BCKDHB: variants seen among roughly 807,000 people sequenced by gnomAD.
BCKDHB encodes 2-oxoisovalerate dehydrogenase subunit beta, mitochondrial.
Under a neutral mutation model 48.5 loss-of-function variants are expected in BCKDHB, and 41 were observed. The observed-to-expected ratio is 0.85, with a 90% confidence interval of 0.66 to 1.10. The LOEUF is 1.10. Ranked by LOEUF, BCKDHB falls within the 50% of genes least tolerant of loss-of-function variation. The pLI, the probability that BCKDHB is intolerant of heterozygous loss-of-function variation, is 0.00. For missense variants in BCKDHB, 496 were observed against 494.2 expected, an observed-to-expected ratio of 1.00 and a Z score of -0.03; for synonymous variants, 201 against 174.8, an observed-to-expected ratio of 1.15 and a Z score of -1.18.
chr6:80,202,679 CT>C (rs1223692714), intron 7 of BCKDHB, among the ~76,000 whole-genome samples: 1 of 151,858 alleles, frequency 6.6e-6, no homozygotes, highest in Non-Finnish European at 1.5e-5. Flanking sequence ...TTCTTTTTAT[CT>C]CCTTTTTTTC....
At chr6:80,426,523 T>C in the BCKDHB span, among the ~76,000 whole-genome samples, 17 of 152,308 alleles carry the variant, frequency 1.1e-4, no homozygotes, top group East Asian at 3.1e-3. Context: ...TTATGTATTT[T>C]CATTTCCATT....
At chr6:80,334,734 C>CT (rs1375455260) in intron 9 of BCKDHB, among the ~76,000 whole-genome samples, 2 of 151,298 alleles carry the variant, frequency 1.3e-5, no homozygotes, top group African/African-American at 2.4e-5. Flanking sequence ...CTTTTCTTGT[C>CT]TTTTTTATGT....
intron 3 of BCKDHB, among the ~76,000 whole-genome samples, chr6:80,144,934 C>CCACGTTT (rs1362653611): frequency 6.6e-6 from 1 of 152,058 alleles, no homozygotes; most frequent in African/African-American, 2.4e-5. Context: ...TTTTTCCATC[C>CCACGTTT]CACGTTTCAT....
chr6:80,120,746 T>C (rs1162645659), intron 1 of BCKDHB, among the ~76,000 whole-genome samples: 2 of 152,218 alleles, frequency 1.3e-5, no homozygotes. Context: ...GAGTTCTTTG[T>C]AGATTCTGGA....
chr6:80,182,329 C>A (rs1168725953), intron 6 of BCKDHB, among the ~76,000 whole-genome samples: 1 of 152,140 alleles, frequency 6.6e-6, no homozygotes, highest in Non-Finnish European at 1.5e-5. Flanking sequence ...CTGAACTATT[C>A]ATGGAATAGG....
intron 9 of BCKDHB, among the ~76,000 whole-genome samples, chr6:80,303,393 CAAAA>C (rs1256164003): frequency 6.6e-6 from 1 of 151,922 alleles, no homozygotes; most frequent in Non-Finnish European, 1.5e-5. Flanking sequence ...AGATGACAGA[CAAAA>C]GAACCTTAGA....
At chr6:80,180,769 C>T (rs1047100033) in intron 6 of BCKDHB, among the ~76,000 whole-genome samples, 15 of 151,950 alleles carry the variant, frequency 9.9e-5, no homozygotes, top group South Asian at 2.1e-4. Context: ...ATATTTTTTG[C>T]CAAGTATCAG....
intron 1 of BCKDHB, 110 bp from the exon 2 acceptor site, chr6:80,127,437 T>C (rs1314079369): frequency 3.4e-6 from 3 of 877,248 alleles, no homozygotes; most frequent in Non-Finnish European, 5.7e-6. Context: ...ATTTGCATAA[T>C]ATCTTTCTTT....
At chr6:80,428,007 C>T in the BCKDHB span, among the ~76,000 whole-genome samples, 54 of 152,114 alleles carry the variant, frequency 3.5e-4, no homozygotes, top group African/African-American at 1.1e-3. Flanking sequence ...TTTCTCCTAA[C>T]GCTATCCCTC....
At chr6:80,115,197 A>G (rs751456115) in intron 1 of BCKDHB, among the ~76,000 whole-genome samples, 3 of 151,722 alleles carry the variant, frequency 2.0e-5, no homozygotes, top group Admixed American at 1.3e-4. Context: ...TGCAGTGGCT[A>G]TTCACAGCCA....
chr6:80,390,785 T>C, the BCKDHB span, among the ~76,000 whole-genome samples: 6 of 152,170 alleles, frequency 3.9e-5, no homozygotes, highest in African/African-American at 7.2e-5. Context: ...ATACTAAGTG[T>C]CAATGTGATT....
chr6:80,425,515 C>G, the BCKDHB span, among the ~76,000 whole-genome samples: 1 of 152,130 alleles, frequency 6.6e-6, no homozygotes, highest in Non-Finnish European at 1.5e-5. Context: ...TCTGGAGTAT[C>G]TGATAATAAG....
At chr6:80,232,476 A>T (rs1381639058) in intron 8 of BCKDHB, among the ~76,000 whole-genome samples, 1 of 151,610 alleles carries the variant, frequency 6.6e-6, no homozygotes, top group African/African-American at 2.4e-5. Context: ...CTTTTTTCAG[A>T]GAAATTTACT....
At chr6:80,222,093 A>G (rs1775485319) in intron 8 of BCKDHB, among the ~76,000 whole-genome samples, 1 of 152,122 alleles carries the variant, frequency 6.6e-6, no homozygotes, top group Non-Finnish European at 1.5e-5. Context: ...CCCAGTGGGT[A>G]ATTTTTCAAC....
chr6:80,281,222 C>T (rs1778181411), intron 9 of BCKDHB, among the ~76,000 whole-genome samples: 1 of 151,860 alleles, frequency 6.6e-6, no homozygotes, highest in Non-Finnish European at 1.5e-5. Context: ...AAGAGATAAT[C>T]TTAAGAAGGG....
chr6:80,221,595 C>T (rs1459137554), intron 8 of BCKDHB, among the ~76,000 whole-genome samples: 1 of 152,004 alleles, frequency 6.6e-6, no homozygotes, highest in Non-Finnish European at 1.5e-5. Context: ...AACCTATTTT[C>T]ATCTCTTCTT....
At chr6:80,148,282 T>G (rs570549616) in intron 3 of BCKDHB, among the ~76,000 whole-genome samples, 1 of 152,312 alleles carries the variant, frequency 6.6e-6, no homozygotes, top group Non-Finnish European at 1.5e-5. Context: ...TTTTAAGAAG[T>G]GTCCATATCT....
At chr6:80,440,313 G>T in the BCKDHB span, among the ~76,000 whole-genome samples, 4 of 152,158 alleles carry the variant, frequency 2.6e-5, no homozygotes, top group African/African-American at 4.8e-5. Flanking sequence ...AAAAAACAGA[G>T]AGGAGCAGGT....
At chr6:80,318,304 C>G (rs1196591666) in intron 9 of BCKDHB, among the ~76,000 whole-genome samples, 1 of 152,084 alleles carries the variant, frequency 6.6e-6, no homozygotes, top group Admixed American at 6.5e-5. Context: ...ACAAGCATTG[C>G]TGTATGTGGG....
Sources: allele counts gnomAD v4.1 joint callset (sites outside exome capture counted in the v4.1 genomes callset), GRCh38; gene constraint gnomAD v4.1.1; transcripts MANE v1.5; gene names NCBI Gene and HGNC (gene_info 2026-07-23, HGNC 2026-07-21).